FRMPD1: variants seen among roughly 807,000 people sequenced by gnomAD.
The protein encoded by FRMPD1 is FERM and PDZ domain-containing protein 1.
A neutral mutation model predicts 117.8 loss-of-function variants in FRMPD1; 76 were observed. That is an observed-to-expected ratio of 0.65 (90% CI 0.54 to 0.78). FRMPD1 has a LOEUF of 0.78. FRMPD1 is among the 30% of genes least tolerant of loss of function. The pLI, the probability that FRMPD1 is intolerant of heterozygous loss-of-function variation, is 0.00. For missense variants in FRMPD1, 1,786 were observed against 1,964.5 expected (o/e 0.91, Z 1.72); for synonymous variants, 783 against 770.4 (o/e 1.02, Z -0.27).
At chr9:37,660,058 A>G (rs1244300256) in intron 1 of FRMPD1, among the ~76,000 whole-genome samples, 3 of 151,796 alleles carry the variant, frequency 2.0e-5, no homozygotes, top group Admixed American at 6.6e-5. Flanking sequence ...CTCTCCACTC[A>G]TTGCTGCCCC....
the FRMPD1 span, among the ~76,000 whole-genome samples, chr9:37,642,899 C>T: frequency 6.6e-6 from 1 of 152,100 alleles, no homozygotes; most frequent in African/African-American, 2.4e-5. Context: ...CTGTTTGTTC[C>T]CCATTTCTCA....
Position 37,740,011 on chromosome 9 carries a change from G to A in FRMPD1, c.1550-67G>A. 8.1e-7 allele frequency: 1 copy of A among 1,232,646 alleles called. No homozygotes were observed. Among genetic ancestry groups the A allele is most frequent in the Non-Finnish European group, 1.1e-6 (1 of 873,776 alleles). 76.4% of individuals were successfully genotyped at this position (1,232,646 alleles called of 1,614,324 possible). On this transcript the variant is annotated intron_variant, in intron 14 of 15. Transcript: ENST00000377765. The surrounding 1 kb of genome is among the most constrained non-coding windows in gnomAD (Gnocchi z 4.2). ...GTCTGGCAGGGTTGGGTGGGGGTCA[G>A]GGGGCTAGAAGGACACATAGGTAGG...
chr9:37,743,124 T>C (rs1165358035), intron 15 of FRMPD1, among the ~76,000 whole-genome samples: 5 of 152,208 alleles, frequency 3.3e-5, no homozygotes, highest in South Asian at 4.1e-4. Context: ...TTCTTTACAA[T>C]AGTGCCTCTC....
the FRMPD1 span, among the ~76,000 whole-genome samples, chr9:37,625,731 G>A: frequency 3.3e-5 from 5 of 152,176 alleles, no homozygotes; most frequent in Admixed American, 1.3e-4. Flanking sequence ...GTGGGCGTGG[G>A]GCAGGATGCA....
At chr9:37,627,755 C>G in the FRMPD1 span, among the ~76,000 whole-genome samples, 1 of 152,160 alleles carries the variant, frequency 6.6e-6, no homozygotes, top group African/African-American at 2.4e-5. Flanking sequence ...TACACTTAAT[C>G]CCTTTAGTTT....
chr9:37,738,329 GT>G (rs375191183), intron 14 of FRMPD1, among the ~76,000 whole-genome samples: 27,988 of 151,992 alleles, frequency 0.18, 2,754 homozygotes, highest in Admixed American at 0.22. Flanking sequence ...TGGAGTATCT[GT>G]TACCTTTGTT....
intron 1 of FRMPD1, among the ~76,000 whole-genome samples, chr9:37,680,323 A>G (rs142225445): frequency 1.5e-4 from 23 of 152,314 alleles, no homozygotes; most frequent in African/African-American, 5.3e-4. Context: ...GACACTCAAG[A>G]CTATCTTAGT....
intron 1 of FRMPD1, among the ~76,000 whole-genome samples, chr9:37,658,277 G>C (rs1371246311): frequency 6.6e-6 from 1 of 152,122 alleles, no homozygotes; most frequent in Non-Finnish European, 1.5e-5. Flanking sequence ...GGTCCCGGTG[G>C]GTCCCCCTTC....
At chr9:37,637,979 T>TCTTC in the FRMPD1 span, among the ~76,000 whole-genome samples, 2 of 104,394 alleles carry the variant, frequency 1.9e-5, no homozygotes, top group African/African-American at 6.9e-5. Flanking sequence ...TTTCTTTCTT[T>TCTTC]CTTTCTTTCT....
rs148735221 is a variant in FRMPD1, at chr9:37,659,706, C to T, written c.-5+8612C>T. ...AGTGCCCAAATACTCTGTAAAAAAT[C>T]AGGAAATGCTCCTTGACAACCCTGT... On this transcript the variant is annotated intron_variant, in intron 1 of 15. Transcript: ENST00000377765. Among the ~76,000 whole-genome samples the T allele has an allele frequency of 9.2e-5, 14 of 152,016 alleles. No homozygotes were observed. The East Asian group carries it at 2.7e-3, about 29-fold the overall frequency.
At chr9:37,611,376 C>T in the FRMPD1 span, among the ~76,000 whole-genome samples, 4 of 152,154 alleles carry the variant, frequency 2.6e-5, no homozygotes, top group East Asian at 1.9e-4. Flanking sequence ...TCAAAGGACT[C>T]GAAATCTCCC....
chr9:37,738,661 T>C (rs1336901614), intron 14 of FRMPD1, among the ~76,000 whole-genome samples: 1 of 152,090 alleles, frequency 6.6e-6, no homozygotes, highest in Non-Finnish European at 1.5e-5. Context: ...TGTTACACAA[T>C]GTATTTATGA....
intron 1 of FRMPD1, among the ~76,000 whole-genome samples, chr9:37,670,902 A>G (rs1821328632): frequency 6.6e-6 from 1 of 152,238 alleles, no homozygotes; most frequent in Non-Finnish European, 1.5e-5. Context: ...ATTTTGAAAT[A>G]AGCATCCAGG....
At position 37,746,841 on chromosome 9, in the gene FRMPD1, T is replaced by C; in HGVS notation, c.*72T>C. ...CTTCCCTGAGAAGCCCCTTCCACTC[T>C]CCCACCCACCCTCTTCAAATGTTTA... On this transcript the variant is annotated 3_prime_UTR_variant, in exon 16 of 16. Transcript: ENST00000377765. 1 of 963,654 alleles carries C rather than the reference T, an allele frequency of 1.0e-6. No individual in the cohort carries two copies. Among genetic ancestry groups the C allele is most frequent in the Non-Finnish European group, 1.6e-6 (1 of 613,734 alleles). The allele number at this position is 963,654 out of a possible 1,614,324, so 59.7% of individuals were successfully genotyped here. A position where few individuals can be genotyped will look rare whatever the true frequency, so the allele number is the denominator to read the frequency against.
intron 7 of FRMPD1, among the ~76,000 whole-genome samples, chr9:37,726,246 C>T (rs1275876321): frequency 6.6e-6 from 1 of 152,232 alleles, no homozygotes; most frequent in Non-Finnish European, 1.5e-5. Flanking sequence ...TCATCAGTGA[C>T]TTCTCTTCCC....
chr9:37,691,308 G>A (rs1041336804), intron 1 of FRMPD1, among the ~76,000 whole-genome samples: 1 of 152,138 alleles, frequency 6.6e-6, no homozygotes, highest in Non-Finnish European at 1.5e-5. Context: ...TCAACCTTAT[G>A]CTCATCCTTG....
chr9:37,650,000 C>G (rs187368013), upstream of FRMPD1, among the ~76,000 whole-genome samples: 5 of 152,294 alleles, frequency 3.3e-5, no homozygotes, highest in Admixed American at 2.0e-4. Context: ...GAGGCCTTCA[C>G]TCAGTCAGTG....
At chr9:37,704,122 G>A (rs1333377582) in intron 2 of FRMPD1, among the ~76,000 whole-genome samples, 1 of 152,112 alleles carries the variant, frequency 6.6e-6, no homozygotes, top group Non-Finnish European at 1.5e-5. Flanking sequence ...AGTTTCATTG[G>A]TGAAAGCCAC....
At chr9:37,610,437 A>G in the FRMPD1 span, among the ~76,000 whole-genome samples, 1 of 151,498 alleles carries the variant, frequency 6.6e-6, no homozygotes, top group African/African-American at 2.4e-5. Context: ...ATTTTATTTT[A>G]TTTTATTTTT....
Sources: gnomAD v4.1 joint callset for allele counts (sites outside exome capture counted in the v4.1 genomes callset) on GRCh38, gnomAD v4.1.1 for gene constraint, Gnocchi (gnomAD v3.1) non-coding constraint, MANE v1.5 for transcripts, NCBI Gene and HGNC (gene_info 2026-07-23, HGNC 2026-07-21) for gene names.